CACNA1C: variants seen among roughly 807,000 people sequenced by gnomAD.
CACNA1C encodes voltage-dependent L-type calcium channel subunit alpha-1C.
In CACNA1C, 30 loss-of-function variants were observed where a neutral mutation model predicts 229.0. The observed-to-expected ratio is 0.13, with a 90% CI of 0.10 to 0.18. The LOEUF is 0.18. Among genes scored for constraint, CACNA1C ranks in the 10% least tolerant of loss-of-function variants. The pLI, the probability that CACNA1C is intolerant of heterozygous loss-of-function variation, is 1.00. For missense variants in CACNA1C, 1,658 were observed against 2,845.0 expected (o/e 0.58, Z 9.49); for synonymous variants, 1,114 against 1,132.5 (o/e 0.98, Z 0.33).
chr12:2,555,286 C>T (rs1247684468), intron 10 of CACNA1C, among the ~76,000 whole-genome samples: 5 of 152,366 alleles, frequency 3.3e-5, no homozygotes, highest in Non-Finnish European at 2.9e-5. Flanking sequence ...AGCAAGACAA[C>T]GCCTCATGGC....
rs1249016656 is a variant in CACNA1C at position 2,101,981 on chromosome 12, T to A, written c.50-13243T>A. ...GGAAAAAAGCCTTGGGACAGTTACG[T>A]TTTGAGTCATCCTTTTATTCAACAC... On this transcript the variant is annotated intron_variant, in intron 1 of 46. Coordinates refer to ENST00000399655, the MANE Select transcript of CACNA1C (RefSeq NM_000719.7). Among the ~76,000 whole-genome samples, 4 of 152,272 alleles carry A rather than the reference T, an allele frequency of 2.6e-5. No individual in the cohort carries two copies. In the East Asian group the frequency reaches 7.7e-4, roughly 29 times the overall value.
chr12:2,441,992 A>G (rs539295763), intron 3 of CACNA1C, among the ~76,000 whole-genome samples: 19 of 152,278 alleles, frequency 1.2e-4, no homozygotes, highest in Non-Finnish European at 2.5e-4. Flanking sequence ...GCAGCACTGT[A>G]ATTTTCTTAC....
chr12:2,257,935 A>C (rs540993899), intron 3 of CACNA1C, among the ~76,000 whole-genome samples: 3 of 152,140 alleles, frequency 2.0e-5, no homozygotes, highest in Non-Finnish European at 2.9e-5. Flanking sequence ...TTTTCATACA[A>C]GTGAATGCTA....
intron 3 of CACNA1C, among the ~76,000 whole-genome samples, chr12:2,202,861 A>C (rs532409037): frequency 1.8e-3 from 271 of 152,292 alleles, no homozygotes; most frequent in African/African-American, 6.4e-3. Flanking sequence ...CAAGCCCCGG[A>C]GATGAAGTTG....
Position 2,181,972 on chromosome 12 carries a change from T to C in CACNA1C, c.477+61542T>C, listed in dbSNP as rs2096853657. 2.0e-5 allele frequency among the ~76,000 whole-genome samples: 3 copies of C among 151,522 alleles called. No homozygotes were observed. The South Asian group carries it at 6.3e-4, about 32-fold the overall frequency. On this transcript the variant is annotated intron_variant, in intron 3 of 46. Coordinates refer to ENST00000399655, the MANE Select transcript of CACNA1C (RefSeq NM_000719.7). The surrounding 1 kb of genome is among the most constrained non-coding windows in gnomAD (Gnocchi z 4.0). ...CCGACCAGTGGGTGGAGGGTATGGG[T>C]TCAATAGGGAGCTCTTCAGAAATGG...
At chr12:2,490,644 A>G (rs967248985) in intron 6 of CACNA1C, among the ~76,000 whole-genome samples, 5 of 152,138 alleles carry the variant, frequency 3.3e-5, no homozygotes, top group African/African-American at 1.2e-4. Context: ...GGTGCTTATT[A>G]TCCACTTTTT....
intron 3 of CACNA1C, among the ~76,000 whole-genome samples, chr12:2,276,372 G>A (rs995319824): frequency 6.6e-6 from 1 of 152,184 alleles, no homozygotes; most frequent in South Asian, 2.1e-4. Context: ...CATTACCTTT[G>A]AAGTAAGTCA....
intron 3 of CACNA1C, among the ~76,000 whole-genome samples, chr12:2,200,445 GAT>G (rs2097548430): frequency 1.3e-5 from 2 of 152,160 alleles, no homozygotes; most frequent in Admixed American, 1.3e-4. Flanking sequence ...GCATCTAGCG[GAT>G]AGAGGCCAGG....
chr12:1,982,759 T>A (rs1013250258), intron 1 of CACNA1C, among the ~76,000 whole-genome samples: 2 of 152,146 alleles, frequency 1.3e-5, no homozygotes, highest in African/African-American at 4.8e-5. Flanking sequence ...TTTCTTGAAA[T>A]GTCTTTGCCT....
At chr12:2,528,867 G>A (rs556582165) in intron 9 of CACNA1C, among the ~76,000 whole-genome samples, 7 of 152,250 alleles carry the variant, frequency 4.6e-5, no homozygotes, top group South Asian at 2.1e-4. Flanking sequence ...CATCGTTAGC[G>A]TGATCTGAGG....
rs1375960083 is a variant in CACNA1C, at chr12:2,181,759, G to A, written c.477+61329G>A. Reference sequence around the variant, plus strand: ...TGAATCCTCACAATAACCCCATGGGGTAGATATTACTGTTATTACCCTTTT... The same window carrying A: ...TGAATCCTCACAATAACCCCATGGGATAGATATTACTGTTATTACCCTTTT... On this transcript the variant is annotated intron_variant, in intron 3 of 46. Coordinates refer to ENST00000399655, the MANE Select transcript of CACNA1C (RefSeq NM_000719.7). The surrounding 1 kb of genome is among the most constrained non-coding windows in gnomAD (Gnocchi z 4.0). Among the ~76,000 whole-genome samples, 1 of 152,074 alleles carries A rather than the reference G, an allele frequency of 6.6e-6. No individual in the cohort carries two copies. The highest frequency in any genetic ancestry group is 1.5e-5 in the Non-Finnish European group (1 of 68,020).
At chr12:2,124,546 G>A (rs550884525) in intron 3 of CACNA1C, among the ~76,000 whole-genome samples, 1 of 152,314 alleles carries the variant, frequency 6.6e-6, no homozygotes, top group South Asian at 2.1e-4. Flanking sequence ...AGGCTCGAAG[G>A]CTTTAACGGC....
At chr12:2,023,197 G>T (rs1014785124) in intron 1 of CACNA1C, among the ~76,000 whole-genome samples, 3 of 152,164 alleles carry the variant, frequency 2.0e-5, no homozygotes, top group African/African-American at 7.2e-5. Flanking sequence ...GTGTTCTGTC[G>T]TTCTGTAGGT....
chr12:2,023,642 T>C (rs1446083902), intron 1 of CACNA1C, among the ~76,000 whole-genome samples: 1 of 152,196 alleles, frequency 6.6e-6, no homozygotes, highest in Non-Finnish European at 1.5e-5. Context: ...TAGTAACTGT[T>C]CCAGGACAAG....
chr12:2,020,195 AC>A (rs1325032417), intron 1 of CACNA1C: 1 of 152,222 alleles, frequency 6.6e-6, no homozygotes, highest in Non-Finnish European at 1.5e-5. Context: ...TTCACTGAGG[AC>A]TACTTATGTG....
chr12:2,687,807 G>A (rs1321104527), intron 45 of CACNA1C, among the ~76,000 whole-genome samples: 3 of 152,190 alleles, frequency 2.0e-5, no homozygotes, highest in South Asian at 2.1e-4. Context: ...CCAAAGTCCT[G>A]GGATTACAGG....
Position 2,584,489 on chromosome 12 carries a change from A to G in CACNA1C, c.2225-14A>G. On this transcript the variant is annotated splice_polypyrimidine_tract_variant and intron_variant, in intron 15 of 46. Coordinates refer to ENST00000399655, the MANE Select transcript of CACNA1C (RefSeq NM_000719.7). ...AAACCAAGGGTCATTTTCTTTAAGAATGGACACAAACAGATATCCTACTGA... is the reference window on the plus strand; with the variant it reads ...AAACCAAGGGTCATTTTCTTTAAGAGTGGACACAAACAGATATCCTACTGA... 1 of 1,598,200 alleles carries G rather than the reference A, an allele frequency of 6.3e-7. No homozygotes were observed. The highest frequency in any genetic ancestry group is 1.3e-5 in the African/African-American group (1 of 74,732).
rs1568641351 is a variant in CACNA1C at position 2,593,317 on chromosome 12, G to A, written c.2635G>A (p.Ala879Thr). The change falls in exon 19 of 47, where the codon GCG becomes ACG. Residue 879 changes from alanine (A) to threonine (T), a missense_variant. This residue lies in a region of CACNA1C where 52 missense variants were observed against 99.0 expected (regional missense o/e 0.53). Coordinates refer to ENST00000399655, the MANE Select transcript of CACNA1C (RefSeq NM_000719.7). ...EKAVPMPEAS[A>T]FFIFSSNNRF... ...GGCAGTGCCCATGCCAGAAGCCAGC[G>A]CGTTTTTCATCTTCAGCTCTAACAA... 1 of 1,613,842 alleles carries A rather than the reference G, an allele frequency of 6.2e-7. No homozygotes were observed. Among genetic ancestry groups the A allele is most frequent in the Non-Finnish European group, 8.5e-7 (1 of 1,179,856 alleles).
intron 3 of CACNA1C, among the ~76,000 whole-genome samples, chr12:2,394,581 T>C (rs1176805472): frequency 1.3e-5 from 2 of 152,196 alleles, no homozygotes; most frequent in Non-Finnish European, 2.9e-5. Context: ...GTTTTCAGAC[T>C]GTAAAACCCT....
Sources: gnomAD v4.1 joint callset for allele counts (sites outside exome capture counted in the v4.1 genomes callset) on GRCh38, gnomAD v4.1.1 for gene constraint, gnomAD v4.1.1 regional missense constraint, Gnocchi (gnomAD v3.1) non-coding constraint, MANE v1.5 for transcripts, NCBI Gene and HGNC (gene_info 2026-07-23, HGNC 2026-07-21) for gene names.